Variants in ZNF595 observed in about 807,000 individuals in gnomAD.
The protein encoded by ZNF595 is zinc finger protein 595.
ZNF595 carries 9 observed loss-of-function variants against 19.4 expected under a neutral mutation model. The ratio of observed to expected loss-of-function variants is 0.46; its 90% CI spans 0.28 to 0.81. The LOEUF (loss-of-function observed/expected upper bound fraction) is 0.81. ZNF595 is among the 30% of genes least tolerant of loss of function. The probability of loss-of-function intolerance (pLI) is 0.11; values close to 1 mark genes in which losing one functional copy is unlikely to be tolerated. For missense variants in ZNF595, 729 were observed against 736.0 expected, an observed-to-expected ratio of 0.99 and a Z score of 0.11; for synonymous variants, 255 against 255.9, an observed-to-expected ratio of 1.00 and a Z score of 0.03.
At chr4:69,774 T>C (rs1713350668) in intron 3 of ZNF595, among the ~76,000 whole-genome samples, 2 of 152,208 alleles carry the variant, frequency 1.3e-5, no homozygotes, top group Non-Finnish European at 2.9e-5. Context: ...TTTAACTTGA[T>C]GTGATTCCAT....
chr4:87,350 G>A lies in ZNF595; in HGVS notation c.1846G>A (p.Gly616Arg). The change falls in exon 4 of 4, where the codon GGA becomes AGA. Residue 616 changes from glycine to arginine, a missense_variant. By Grantham distance (125) the Gly-to-Arg change is moderately radical. Coordinates refer to ENST00000610261, the MANE Select transcript of ZNF595 (RefSeq NM_182524.4). ...SLTKHKIIHT[G>R]EKSYKCEECG... ...TACTAAACATAAGATAATTCATACT[G>A]GAGAGAAATCCTACAAATGTGAAGA... The A allele has an allele frequency of 1.9e-6, 3 of 1,613,448 alleles. No homozygotes were observed. The highest frequency in any genetic ancestry group is 2.5e-6 in the Non-Finnish European group (3 of 1,179,800).
chr4:85,429 C>T, intron 3 of ZNF595, among the ~76,000 whole-genome samples: 1 of 152,178 alleles, frequency 6.6e-6, no homozygotes, highest in East Asian at 1.9e-4. Context: ...AGGCACAATG[C>T]TATATTGGGG....
At position 86,851 on chromosome 4, in the gene ZNF595, A is replaced by G. The variant is rs369138970; in HGVS notation, c.1347A>G (p.Gln449=). The G allele has an allele frequency of 1.9e-6, 3 of 1,613,166 alleles. No individual in the cohort carries two copies. The highest frequency in any genetic ancestry group is 2.5e-6 in the Non-Finnish European group (3 of 1,179,734). The change falls in exon 4 of 4, where the codon CAA becomes CAG. Residue 449 remains glutamine, a synonymous_variant. Transcript: ENST00000610261. ...LILHKRIHSG[Q]KPYKCEECGK... is the part of the protein sequence containing the mutation. ...TACACAAGAGAATCCATTCTGGGCAAAAACCTTACAAATGTGAAGAATGTG... is the reference window on the plus strand; with the variant it reads ...TACACAAGAGAATCCATTCTGGGCAGAAACCTTACAAATGTGAAGAATGTG...
At position 86,290 on chromosome 4, in the gene ZNF595, C is replaced by G; in HGVS notation, c.786C>G (p.Gly262=). 6.2e-7 allele frequency: 1 copy of G among 1,611,726 alleles called. No homozygotes were observed. The highest frequency in any genetic ancestry group is 8.5e-7 in the Non-Finnish European group (1 of 1,178,186). Residue 262 remains glycine, a synonymous_variant, in exon 4 of 4, where the codon GGC becomes GGG. Coordinates refer to ENST00000610261, the MANE Select transcript of ZNF595 (RefSeq NM_182524.4). The stretch of plus-strand genomic sequence containing the variant: ...AACCCTACAAATGTGAAGAATGTGG[C>G]AAAGCCTTTACAAGGTCCACAACAC... ...GEKPYKCEEC[G]KAFTRSTTLN... is the part of the protein sequence containing the mutation.
In ZNF595 at chr4:87,410, A is replaced by T. The variant is rs62638705; in HGVS notation, c.1906A>T (p.Thr636Ser). The change falls in exon 4 of 4, where the codon ACT becomes TCT. Residue 636 changes from threonine (T) to serine (S), a missense_variant. By Grantham distance (58) the Thr-to-Ser change is moderately conservative (BLOSUM62 1). Transcript: ENST00000610261. ...AGCTTTTAATCGGCCCTCAACCCTT[A>T]CTGTACACAAGCGAATTCATACTGG... is the stretch of plus-strand genomic sequence containing the variant. The part of the protein sequence containing the change: ...GKAFNRPSTL[T>S]VHKRIHTGKE... The T allele has an allele frequency of 1.9e-4, 308 of 1,610,024 alleles. No individual in the cohort carries two copies. The African/African-American group carries it at 3.6e-3, about 19-fold the overall frequency.
rs1553801585 is a variant in ZNF595, at chr4:86,501, A to G, written c.997A>G (p.Ile333Val). Residue 333 changes from isoleucine (I) to valine (V), a missense_variant, in exon 4 of 4, where the codon ATT (isoleucine) becomes GTT (valine). Ile to Val is a conservative substitution (Grantham distance 29). Transcript: ENST00000610261. Reference sequence around the variant, plus strand: ...CAGGAGCCTGAATGAACATAAAAATATTCATACTGGCGAAAAACCCTACAC... The same window carrying G: ...CAGGAGCCTGAATGAACATAAAAATGTTCATACTGGCGAAAAACCCTACAC... ...QSRSLNEHKN[I>V]HTGEKPYTCE... The G allele has an allele frequency of 6.2e-7, 1 of 1,614,086 alleles. No homozygotes were observed. The highest frequency in any genetic ancestry group is 1.1e-5 in the South Asian group (1 of 91,078).
At chr4:83,642 A>AAG (rs1553800517) in intron 3 of ZNF595, among the ~76,000 whole-genome samples, 9 of 136,468 alleles carry the variant, frequency 6.6e-5, no homozygotes, top group African/African-American at 2.5e-4. Flanking sequence ...AAAAAAAAAA[A>AAG]AAAGAAAGAA....
chr4:68,894 T>C (rs10030871), intron 3 of ZNF595, among the ~76,000 whole-genome samples: 14,868 of 152,274 alleles, frequency 0.098, 791 homozygotes, highest in South Asian at 0.17. Context: ...CCACTTCCCC[T>C]GAACCCCTCA....
intron 3 of ZNF595, among the ~76,000 whole-genome samples, chr4:81,243 T>C (rs1435247716): frequency 3.9e-5 from 6 of 152,222 alleles, no homozygotes; most frequent in African/African-American, 1.2e-4. Context: ...AATATTTCAC[T>C]GTGTACACTA....
rs532659434 is a variant in ZNF595 at position 87,309 on chromosome 4, A to G, written c.1805A>G (p.Asn602Ser). The G allele has an allele frequency of 2.5e-5, 40 of 1,613,474 alleles. No individual in the cohort carries two copies. Among genetic ancestry groups the G allele is most frequent in the Middle Eastern group, 1.7e-4 (1 of 6,054 alleles). Residue 602 changes from asparagine (N) to serine (S), a missense_variant, in exon 4 of 4, where the codon AAT becomes AGT. Coordinates refer to ENST00000610261, the MANE Select transcript of ZNF595 (RefSeq NM_182524.4). ...TGTGAAGAATGTGGCAAAGCCTTCA[A>G]TTGGTCCTCATCCCTTACTAAACAT... is the stretch of plus-strand genomic sequence containing the variant. ...FTCEECGKAFNWSSSLTKHKI... is the reference protein window; with the variant it reads ...FTCEECGKAFSWSSSLTKHKI...
intron 3 of ZNF595, among the ~76,000 whole-genome samples, chr4:83,637 AAAAAAAAAGAAAG>A (rs1714015204): frequency 1.3e-5 from 2 of 149,220 alleles, no homozygotes; most frequent in African/African-American, 4.9e-5. Flanking sequence ...AAAAAAAAAA[AAAAAAAAAGAAAG>A]AAAGAAAGAA....
intron 3 of ZNF595, among the ~76,000 whole-genome samples, chr4:62,172 A>G (rs1296285691): frequency 1.5e-5 from 1 of 65,946 alleles, no homozygotes. Flanking sequence ...TACTCTTTGA[A>G]CAGCATCTCC....
rs1305927014 is a variant in ZNF595 at position 85,610 on chromosome 4, T to C, written c.227-121T>C. ...ACATGTCTGTGAAGAAATTATGGCC[T>C]GTGATATTTTGTTATGCTATCTTAC... is the stretch of plus-strand genomic sequence containing the variant. On this transcript the variant is annotated intron_variant, in intron 3 of 3. Coordinates refer to ENST00000610261, the MANE Select transcript of ZNF595 (RefSeq NM_182524.4). 9.4e-6 allele frequency: 11 copies of C among 1,174,256 alleles called. No individual in the cohort carries two copies. In the African/African-American group the frequency reaches 1.5e-4, roughly 16 times the overall value. The allele number at this position is 1,174,256 out of a possible 1,614,324, so 72.7% of individuals were successfully genotyped here. A position where few individuals can be genotyped will look rare whatever the true frequency, so the allele number is the denominator to read the frequency against.
At chr4:66,668 A>C (rs1713125604) in intron 3 of ZNF595, among the ~76,000 whole-genome samples, 1 of 152,018 alleles carries the variant, frequency 6.6e-6, no homozygotes, top group African/African-American at 2.4e-5. Flanking sequence ...ATGGATATAC[A>C]GTTTTCCAAC....
In ZNF595 at chr4:87,291, A is replaced by T; in HGVS notation, c.1787A>T (p.Glu596Val). Residue 596 changes from glutamate (E) to valine (V), a missense_variant, in exon 4 of 4, where the codon GAA becomes GTA. Transcript: ENST00000610261. ...HTGEKPFTCE[E>V]CGKAFNWSSS... ...GGAGAGAAACCCTTCACATGTGAAG[A>T]ATGTGGCAAAGCCTTCAATTGGTCC... The T allele has an allele frequency of 6.2e-7, 1 of 1,613,746 alleles. No homozygotes were observed. The highest frequency in any genetic ancestry group is 8.5e-7 in the Non-Finnish European group (1 of 1,179,792).
intron 3 of ZNF595, among the ~76,000 whole-genome samples, chr4:76,016 G>A (rs542042341): frequency 6.6e-6 from 1 of 152,026 alleles, no homozygotes; most frequent in South Asian, 2.1e-4. Context: ...GCAGCCTCCT[G>A]AGTAGCTAGG....
intron 1 of ZNF595, among the ~76,000 whole-genome samples, chr4:55,007 G>A (rs1581309714): frequency 1.3e-5 from 2 of 150,892 alleles, no homozygotes; most frequent in Admixed American, 1.3e-4. Context: ...TCAGTCTCCC[G>A]AGTAGCTGGG....
intron 3 of ZNF595, among the ~76,000 whole-genome samples, chr4:79,808 T>G (rs1439611490): frequency 6.6e-6 from 1 of 151,966 alleles, no homozygotes; most frequent in Non-Finnish European, 1.5e-5. Context: ...TTGATAGAGA[T>G]TTCATTGATC....
At chr4:73,046 G>A (rs560489843) in intron 3 of ZNF595, among the ~76,000 whole-genome samples, 39 of 152,166 alleles carry the variant, frequency 2.6e-4, no homozygotes, top group Non-Finnish European at 4.6e-4. Context: ...GAGGTTGTTT[G>A]TGATGTCCTC....
Sources: gnomAD v4.1 joint callset for allele counts (sites outside exome capture counted in the v4.1 genomes callset) on GRCh38, gnomAD v4.1.1 for gene constraint, MANE v1.5 for transcripts, NCBI Gene and HGNC (gene_info 2026-07-23, HGNC 2026-07-21) for gene names.